BRD1: variants seen among roughly 807,000 people sequenced by gnomAD.
BRD1 encodes bromodomain containing 1, also known as bromodomain-containing protein 1.
In BRD1, 24 loss-of-function variants were observed where a neutral mutation model predicts 107.7. The observed-to-expected ratio is 0.22, with a 90% confidence interval of 0.16 to 0.31. BRD1 has a LOEUF of 0.31. Among genes scored for constraint, BRD1 ranks in the 10% least tolerant of loss-of-function variants. BRD1 has a pLI of 1.00. For missense variants in BRD1, 1,279 were observed against 1,638.6 expected (o/e 0.78, Z 3.79); for synonymous variants, 744 against 686.1 (o/e 1.08, Z -1.32).
At chr22:49,811,800 G>T (rs922654946) in intron 2 of BRD1, among the ~76,000 whole-genome samples, 1 of 152,210 alleles carries the variant, frequency 6.6e-6, no homozygotes, top group African/African-American at 2.4e-5. Context: ...GGCAGAACAG[G>T]GATGGAATGG....
chr22:49,804,617 G>C (rs2059705076), intron 2 of BRD1, among the ~76,000 whole-genome samples: 1 of 152,202 alleles, frequency 6.6e-6, no homozygotes, highest in Non-Finnish European at 1.5e-5. Flanking sequence ...GGGAGGCCGA[G>C]GTGGGGGGAT....
chr22:49,781,978 G>C (rs2059218112), intron 8 of BRD1, among the ~76,000 whole-genome samples: 1 of 149,582 alleles, frequency 6.7e-6, no homozygotes, highest in Admixed American at 6.6e-5. Flanking sequence ...GTCCGAGACA[G>C]ACCCAAGGCC....
At chr22:49,822,807 A>G (rs1345185565) in intron 2 of BRD1, 144 bp downstream of exon 2, 1 of 934,980 alleles carries the variant, frequency 1.1e-6, no homozygotes, top group African/African-American at 1.7e-5. Flanking sequence ...AAACAAGCAG[A>G]ACCACACTTC....
In BRD1 at chr22:49,803,006, G is replaced by A. The variant is rs2059670414; in HGVS notation, c.1524+1198C>T. ...GTTCCATGGACAGACACACAGTGGG[G>A]CAACCCAGGTGGACGGCACGGGAGA... On this transcript the variant is annotated intron_variant, in intron 3 of 12. Coordinates refer to ENST00000404760, the MANE Select transcript of BRD1 (RefSeq NM_001304808.3). The surrounding 1 kb of genome is among the most constrained non-coding windows in gnomAD (Gnocchi z 4.4). Among the ~76,000 whole-genome samples, 1 of 152,230 alleles carries A rather than the reference G, an allele frequency of 6.6e-6. No homozygotes were observed. The highest frequency in any genetic ancestry group is 6.5e-5 in the Admixed American group (1 of 15,282).
At position 49,781,831 on chromosome 22, in the gene BRD1, A is replaced by C. The variant is rs72490250; in HGVS notation, c.2858-4018T>G. On this transcript the variant is annotated intron_variant, in intron 8 of 12. Transcript: ENST00000404760. Reference sequence around the variant, plus strand: ...GTGCATTTTTCAACCTCTCAACAAAAACACACACGGAAGAAGATTCCAACA... The same window carrying C: ...GTGCATTTTTCAACCTCTCAACAAACACACACACGGAAGAAGATTCCAACA... Among the ~76,000 whole-genome samples the C allele has an allele frequency of 1.4e-4, 21 of 152,404 alleles. No homozygotes were observed. The East Asian group carries it at 3.9e-3, about 28-fold the overall frequency.
chr22:49,809,749 G>A (rs1379110760), intron 2 of BRD1, among the ~76,000 whole-genome samples: 1 of 152,056 alleles, frequency 6.6e-6, no homozygotes, highest in East Asian at 1.9e-4. Context: ...CGAAGGAAGT[G>A]ACCAAATTCC....
chr22:49,792,448 G>A lies in BRD1; in HGVS notation c.2359+1586C>T, dbSNP rs1042813400. ...CCTGGACTCCTGGGCACAATGGGGCGGCCCAGGGCCCGGACAGGTATGGCT... is the reference window on the plus strand; with the variant it reads ...CCTGGACTCCTGGGCACAATGGGGCAGCCCAGGGCCCGGACAGGTATGGCT... On this transcript the variant is annotated intron_variant, in intron 7 of 12. Coordinates refer to ENST00000404760, the MANE Select transcript of BRD1 (RefSeq NM_001304808.3). The surrounding 1 kb of genome is among the most constrained non-coding windows in gnomAD (Gnocchi z 4.2). Among the ~76,000 whole-genome samples the A allele has an allele frequency of 2.6e-5, 4 of 152,208 alleles. No individual in the cohort carries two copies. The highest frequency in any genetic ancestry group is 4.8e-5 in the African/African-American group (2 of 41,456).
chr22:49,795,850 T>G (rs1028867366), intron 6 of BRD1, among the ~76,000 whole-genome samples: 3 of 152,122 alleles, frequency 2.0e-5, no homozygotes, highest in African/African-American at 4.8e-5. Context: ...CTGGGCTCAC[T>G]CTGAGGCGGC....
rs753651777 is a variant in BRD1, at chr22:49,804,212, A to G, written c.1516T>C (p.Ser506Pro). ...LQSSLQSQRS[S>P]QQRENDEEMK... Reference sequence around the variant, plus strand: ...GGCCACGAGCCACGTACCTGCTGTGAGCTTCGCTGAGACTGCAGGCTGGAC... The same window carrying G: ...GGCCACGAGCCACGTACCTGCTGTGGGCTTCGCTGAGACTGCAGGCTGGAC... Residue 506 changes from serine (S) to proline (P), a missense_variant, in exon 3 of 13, where the codon TCA (serine) becomes CCA (proline). Ser to Pro is a moderately conservative substitution (Grantham distance 74). Coordinates refer to ENST00000404760, the MANE Select transcript of BRD1 (RefSeq NM_001304808.3). 2 of 1,591,020 alleles carry G rather than the reference A, an allele frequency of 1.3e-6. No homozygotes were observed. Among genetic ancestry groups the G allele is most frequent in the South Asian group, 1.1e-5 (1 of 87,640 alleles).
chr22:49,787,532 A>C lies in BRD1; in HGVS notation c.2715T>G (p.Thr905=). The C allele has an allele frequency of 6.2e-7, 1 of 1,610,754 alleles. No homozygotes were observed. Among genetic ancestry groups the C allele is most frequent in the Non-Finnish European group, 8.5e-7 (1 of 1,178,408 alleles). ...AGGTTTTGGTCCCTAGCTGAGGAGAAGTTGGCTGGGTTTCAGTGTTCTTGG... is the reference window on the plus strand; with the variant it reads ...AGGTTTTGGTCCCTAGCTGAGGAGACGTTGGCTGGGTTTCAGTGTTCTTGG... ...KSAKNTETQP[T]SPQLGTKTFL... is the part of the protein sequence containing the mutation. The change falls in exon 8 of 13, where the codon ACT becomes ACG. Residue 905 remains threonine (T), a synonymous_variant. Transcript: ENST00000404760.
intron 11 of BRD1, 87 bp from the exon 12 acceptor site, chr22:49,775,832 C>CA (rs2059080331): frequency 1.0e-6 from 1 of 987,430 alleles, no homozygotes; most frequent in African/African-American, 3.3e-5. Context: ...CCCGCCTCCC[C>CA]ACCCCAGCTG....
At chr22:49,821,897 G>A (rs369809661) in intron 2 of BRD1, among the ~76,000 whole-genome samples, 6 of 152,176 alleles carry the variant, frequency 3.9e-5, no homozygotes, top group East Asian at 3.9e-4. Context: ...CCTGTTGACC[G>A]GCAGGCCCCA....
At chr22:49,793,536 C>T (rs937636106) in intron 7 of BRD1, among the ~76,000 whole-genome samples, 6 of 152,190 alleles carry the variant, frequency 3.9e-5, no homozygotes, top group Admixed American at 2.0e-4. Context: ...CTGCAGGTAC[C>T]GTCCCTCCCT....
chr22:49,783,959 A>G lies in BRD1; in HGVS notation c.2857+3431T>C, dbSNP rs1019402452. Among the ~76,000 whole-genome samples the G allele has an allele frequency of 1.3e-5, 2 of 152,236 alleles. No individual in the cohort carries two copies. Among genetic ancestry groups the G allele is most frequent in the African/African-American group, 4.8e-5 (2 of 41,464 alleles). On this transcript the variant is annotated intron_variant, in intron 8 of 12. Transcript: ENST00000404760. This position sits in a 1 kb window ranked among gnomAD's most constrained non-coding sequence, Gnocchi z 4.2. ...GTCCAAAGAGTGAACTACCCAGCAC[A>G]TTAGTGGTTAAAGTGAGAACCTGGA... is the stretch of plus-strand genomic sequence containing the variant.
At chr22:49,810,227 G>C (rs1312692292) in intron 2 of BRD1, among the ~76,000 whole-genome samples, 1 of 152,130 alleles carries the variant, frequency 6.6e-6, no homozygotes, top group African/African-American at 2.4e-5. Flanking sequence ...ATCATATATA[G>C]GAAAACAGTG....
At chr22:49,776,371 C>T (rs1056886028) in intron 10 of BRD1, among the ~76,000 whole-genome samples, 1 of 152,164 alleles carries the variant, frequency 6.6e-6, no homozygotes, top group African/African-American at 2.4e-5. Context: ...GGCCACCAGC[C>T]TCCCACGGAC....
chr22:49,777,192 G>C (rs778234527), intron 9 of BRD1, 31 bp from the exon 10 acceptor site: 9 of 1,607,096 alleles, frequency 5.6e-6, no homozygotes, highest in Non-Finnish European at 7.6e-6. Context: ...GGAGTCAGGC[G>C]CCCCGCCCCT....
chr22:49,800,455 G>A (rs747557003), intron 3 of BRD1, among the ~76,000 whole-genome samples: 10 of 152,088 alleles, frequency 6.6e-5, no homozygotes, highest in South Asian at 4.1e-4. Flanking sequence ...CAAGCTCCCC[G>A]GAGCATCTGA....
intron 8 of BRD1, 120 bp from the exon 9 acceptor site, chr22:49,777,933 C>T: frequency 7.4e-7 from 1 of 1,358,364 alleles, no homozygotes; most frequent in Non-Finnish European, 9.7e-7. Context: ...GGTAAGACAG[C>T]ATCTTCCTTT....
Sources: gnomAD v4.1 joint callset for allele counts (sites outside exome capture counted in the v4.1 genomes callset) on GRCh38, gnomAD v4.1.1 for gene constraint, Gnocchi (gnomAD v3.1) non-coding constraint, MANE v1.5 for transcripts, NCBI Gene and HGNC (gene_info 2026-07-23, HGNC 2026-07-21) for gene names.